Variants in RAD54L2 observed in about 807,000 individuals in gnomAD.
The protein encoded by RAD54L2 is RAD54 like 2, also known as helicase ARIP4.
Under a neutral mutation model 138.4 loss-of-function variants are expected in RAD54L2, and 27 were observed. The ratio of observed to expected loss-of-function variants is 0.20; its 90% CI spans 0.14 to 0.27. RAD54L2 has a LOEUF of 0.27. RAD54L2 is among the 10% of genes least tolerant of loss of function. RAD54L2 has a pLI of 1.00. For synonymous variants in RAD54L2, 644 were observed against 723.2 expected (o/e 0.89, Z 1.76); for missense variants, 1,396 against 1,890.2 (o/e 0.74, Z 4.85).
intron 2 of RAD54L2, among the ~76,000 whole-genome samples, chr3:51,565,100 G>A (rs1267966085): frequency 6.6e-6 from 1 of 152,160 alleles, no homozygotes; most frequent in Non-Finnish European, 1.5e-5. Context: ...GGTGCTTGGG[G>A]AAGCCTGCAT....
At chr3:51,569,933 C>CA (rs906531485) in intron 2 of RAD54L2, among the ~76,000 whole-genome samples, 1 of 151,890 alleles carries the variant, frequency 6.6e-6, no homozygotes, top group Non-Finnish European at 1.5e-5. Flanking sequence ...TCCCTGGGCT[C>CA]AAAATACTTC....
chr3:51,639,523 C>T lies in RAD54L2; in HGVS notation c.1965C>T (p.Ala655=). 6.2e-7 allele frequency: 1 copy of T among 1,613,962 alleles called. No homozygotes were observed. Among genetic ancestry groups the T allele is most frequent in the Non-Finnish European group, 8.5e-7 (1 of 1,179,894 alleles). The stretch of plus-strand genomic sequence containing the variant: ...AACTTGGCTCTGCAGGGACCAGTGC[C>T]CGCTGTCCACCACAGGGAACAAAAG... ...VEELGSAGTS[A]RCPPQGTKGK... Residue 655 remains alanine (A), a synonymous_variant, in exon 13 of 23, where the codon GCC becomes GCT. Coordinates refer to ENST00000684192, the MANE Select transcript of RAD54L2 (RefSeq NM_015106.4).
At chr3:51,603,433 C>T (rs1231846723) in intron 3 of RAD54L2, among the ~76,000 whole-genome samples, 1 of 152,074 alleles carries the variant, frequency 6.6e-6, no homozygotes, top group Non-Finnish European at 1.5e-5. Flanking sequence ...AGGTGAAACC[C>T]CGCCTCTACT....
intron 16 of RAD54L2, 41 bp downstream of exon 16, chr3:51,644,015 A>AG (rs1559650077): frequency 1.3e-6 from 2 of 1,507,090 alleles, no homozygotes; most frequent in Non-Finnish European, 1.8e-6. Flanking sequence ...GAATCTGTTC[A>AG]GGCAGTTGGC....
At chr3:51,647,017 T>C (rs904554679) in intron 19 of RAD54L2, among the ~76,000 whole-genome samples, 1 of 152,178 alleles carries the variant, frequency 6.6e-6, no homozygotes, top group Non-Finnish European at 1.5e-5. Context: ...GAGAGGCTCC[T>C]TGTAAGATAT....
intron 3 of RAD54L2, among the ~76,000 whole-genome samples, chr3:51,604,694 T>C (rs545270640): frequency 1.3e-5 from 2 of 152,176 alleles, no homozygotes; most frequent in African/African-American, 2.4e-5. Flanking sequence ...AGAAGGATAA[T>C]AAGCATTGCT....
chr3:51,647,696 C>A (rs991122088), intron 19 of RAD54L2, among the ~76,000 whole-genome samples: 5 of 151,908 alleles, frequency 3.3e-5, no homozygotes, highest in African/African-American at 1.2e-4. Flanking sequence ...TTCTTTTAGT[C>A]GAGATGAGGT....
At chr3:51,631,741 G>C (rs1488438502) in intron 7 of RAD54L2, among the ~76,000 whole-genome samples, 1 of 152,012 alleles carries the variant, frequency 6.6e-6, no homozygotes, top group Non-Finnish European at 1.5e-5. Flanking sequence ...GGGCTCAGGT[G>C]ATCCTCCACC....
chr3:51,633,445 T>C, intron 7 of RAD54L2, 132 bp from the exon 8 acceptor site: 1 of 861,732 alleles, frequency 1.2e-6, no homozygotes, highest in Non-Finnish European at 1.8e-6. Context: ...GGGAATCTTC[T>C]ATGGCCATCC....
At chr3:51,622,131 G>A (rs1258385745) in intron 3 of RAD54L2, among the ~76,000 whole-genome samples, 1 of 152,204 alleles carries the variant, frequency 6.6e-6, no homozygotes, top group East Asian at 1.9e-4. Flanking sequence ...GATGTTTCAG[G>A]TGGAAATTGG....
In RAD54L2 at chr3:51,663,837, A is replaced by G. The variant is rs775176029; in HGVS notation, c.*417A>G. The stretch of plus-strand genomic sequence containing the variant: ...CTTGGCCTGGGGAGGGGAGTGAAGG[A>G]AGGGAGAATGAGTGAGAGAAGGAGG... On this transcript the variant is annotated 3_prime_UTR_variant, in exon 23 of 23. Transcript: ENST00000684192. The G allele has an allele frequency of 5.5e-4, 89 of 160,932 alleles. No individual in the cohort carries two copies. Among genetic ancestry groups the G allele is most frequent in the East Asian group, 7.5e-4 (4 of 5,328 alleles). 10.0% of individuals were successfully genotyped at this position (160,932 alleles called of 1,614,324 possible).
Position 51,645,485 on chromosome 3 carries a change from C to A in RAD54L2, c.2657-106C>A. The A allele has an allele frequency of 8.2e-7, 1 of 1,218,122 alleles. No homozygotes were observed. The highest frequency in any genetic ancestry group is 1.1e-6 in the Non-Finnish European group (1 of 882,358). The allele number at this position is 1,218,122 out of a possible 1,614,324, so 75.5% of individuals were successfully genotyped here. A position where few individuals can be genotyped will look rare whatever the true frequency, so the allele number is the denominator to read the frequency against. ...GATGTTTCCAGTGTCACCAGCACCT[C>A]AGACCTAGTCTTTGACTTTCAGATA... On this transcript the variant is annotated intron_variant, in intron 17 of 22. Transcript: ENST00000684192. The surrounding 1 kb of genome is among the most constrained non-coding windows in gnomAD (Gnocchi z 6.1).
intron 2 of RAD54L2, among the ~76,000 whole-genome samples, chr3:51,582,175 T>G (rs1216866968): frequency 2.0e-5 from 3 of 152,120 alleles, no homozygotes. Context: ...TCAAAAGTCC[T>G]GAGATAATAG....
At chr3:51,583,428 T>A (rs1361108763) in intron 2 of RAD54L2, among the ~76,000 whole-genome samples, 2 of 151,404 alleles carry the variant, frequency 1.3e-5, no homozygotes, top group African/African-American at 4.8e-5. Flanking sequence ...TCTTTTTTTT[T>A]ATTTTTTTTT....
intron 19 of RAD54L2, among the ~76,000 whole-genome samples, chr3:51,648,002 C>T (rs2106830159): frequency 6.6e-6 from 1 of 152,294 alleles, no homozygotes; most frequent in Non-Finnish European, 1.5e-5. Context: ...CATCACGTCA[C>T]CTGGGAAGCT....
At chr3:51,564,266 T>G (rs1381214285) in intron 2 of RAD54L2, among the ~76,000 whole-genome samples, 5 of 152,152 alleles carry the variant, frequency 3.3e-5, no homozygotes, top group Admixed American at 2.6e-4. Flanking sequence ...CAGAATACAT[T>G]AGATTTGGAG....
chr3:51,596,045 T>C lies in RAD54L2; in HGVS notation c.139+5486T>C, dbSNP rs376392739. Among the ~76,000 whole-genome samples the C allele has an allele frequency of 4.6e-4, 69 of 149,550 alleles. No homozygotes were observed. The Middle Eastern group carries it at 0.01, about 22-fold the overall frequency. ...CCAGGGTCAGGTGGTCCTCCCACCT[T>C]AGCCTCCCAGGTAGCTGAGACTACA... is the stretch of plus-strand genomic sequence containing the variant. On this transcript the variant is annotated intron_variant, in intron 3 of 22. Transcript: ENST00000684192.
intron 19 of RAD54L2, among the ~76,000 whole-genome samples, chr3:51,652,147 A>T (rs1182444998): frequency 6.6e-6 from 1 of 152,064 alleles, no homozygotes; most frequent in Non-Finnish European, 1.5e-5. Context: ...CCAATAACAG[A>T]CAGAGAGCCA....
At chr3:51,606,823 C>G (rs902860326) in intron 3 of RAD54L2, among the ~76,000 whole-genome samples, 2 of 151,838 alleles carry the variant, frequency 1.3e-5, no homozygotes, top group African/African-American at 4.8e-5. Context: ...GATGGTATTA[C>G]AGGCGCCTGC....
Sources: gnomAD v4.1 joint callset for allele counts (sites outside exome capture counted in the v4.1 genomes callset) on GRCh38, gnomAD v4.1.1 for gene constraint, Gnocchi (gnomAD v3.1) non-coding constraint, MANE v1.5 for transcripts, NCBI Gene and HGNC (gene_info 2026-07-23, HGNC 2026-07-21) for gene names.